Variants in ZNF687 observed in about 807,000 individuals in gnomAD.
The protein encoded by ZNF687 is zinc finger protein 687.
Under a neutral mutation model 71.8 loss-of-function variants are expected in ZNF687, and 13 were observed. The ratio of observed to expected loss-of-function variants is 0.18; its 90% CI spans 0.12 to 0.29. The LOEUF (loss-of-function observed/expected upper bound fraction) is 0.29. ZNF687 is among the 10% of genes least tolerant of loss of function. The pLI is 1.00. For missense variants in ZNF687, 1,412 were observed against 1,625.6 expected, an observed-to-expected ratio of 0.87 and a Z score of 2.26; for synonymous variants, 673 against 641.6, an observed-to-expected ratio of 1.05 and a Z score of -0.74.
Position 151,286,767 on chromosome 1 carries a change from C to T in ZNF687, c.476C>T (p.Pro159Leu), listed in dbSNP as rs903021748. The change falls in exon 2 of 9, where the codon CCC becomes CTC. Residue 159 changes from proline (P) to leucine (L), a missense_variant. This residue lies in a region of ZNF687 where 490 missense variants were observed against 489.9 expected (regional missense o/e 1.00). Coordinates refer to ENST00000336715, the MANE Select transcript of ZNF687 (RefSeq NM_020832.3). ...WKEKGMEGKT[P>L]LDLFAHFGPE... Reference sequence around the variant, plus strand: ...GAAAAAGGCATGGAAGGCAAAACTCCCTTGGACCTGTTTGCTCATTTTGGC... The same window carrying T: ...GAAAAAGGCATGGAAGGCAAAACTCTCTTGGACCTGTTTGCTCATTTTGGC... The T allele has an allele frequency of 6.2e-7, 1 of 1,614,096 alleles. No homozygotes were observed.
At position 151,287,146 on chromosome 1, in the gene ZNF687, G is replaced by GGAA. The variant is rs746809497; in HGVS notation, c.861_863dup (p.Glu287dup). On this transcript the variant is annotated inframe_insertion, in exon 2 of 9. Coordinates refer to ENST00000336715, the MANE Select transcript of ZNF687 (RefSeq NM_020832.3). The surrounding 1 kb of genome is among the most constrained non-coding windows in gnomAD (Gnocchi z 5.0). The stretch of plus-strand genomic sequence containing the variant: ...AAGTGCCCGTCTGTCAGCCCTTGAA[G>GGAA]GAAGAAGATGATGATGAGGGGCCAG... 1 of 1,614,182 alleles carries GGAA rather than the reference G, an allele frequency of 6.2e-7. No homozygotes were observed. The highest frequency in any genetic ancestry group is 1.3e-5 in the African/African-American group (1 of 75,056).
Position 151,288,671 on chromosome 1 carries a change from G to A in ZNF687, c.2259G>A (p.Glu753=), listed in dbSNP as rs1391793221. The change falls in exon 3 of 9, where the codon GAG becomes GAA. Residue 753 remains glutamate, a synonymous_variant. Coordinates refer to ENST00000336715, the MANE Select transcript of ZNF687 (RefSeq NM_020832.3). ...LQANFQTHLR[E]ACLHVSRRVG... is the part of the protein sequence containing the mutation. ...CCAATTTTCAGACCCATCTCCGGGA[G>A]GCCTGTCTGCACGTCTCTCGCCGTG... 1.2e-6 allele frequency: 2 copies of A among 1,614,000 alleles called. No homozygotes were observed. The highest frequency in any genetic ancestry group is 2.2e-5 in the South Asian group (2 of 91,046).
At chr1:151,283,031 T>G in intron 1 of ZNF687, 2 of 832,426 alleles carry the variant, frequency 2.4e-6, no homozygotes, top group Non-Finnish European at 2.9e-6. Context: ...TGTGTAGTCC[T>G]GGGTCCCCAG....
In ZNF687 at chr1:151,286,909, C is replaced by G; in HGVS notation, c.618C>G (p.Gly206=). Residue 206 remains glycine (G), a synonymous_variant, in exon 2 of 9, where the codon GGC becomes GGG. Coordinates refer to ENST00000336715, the MANE Select transcript of ZNF687 (RefSeq NM_020832.3). ...CCTTTGAGCTGGCCCAGGAGAATGGCCCAGGCATGCAGCCACCTGTTTCTT... is the reference window on the plus strand; with the variant it reads ...CCTTTGAGCTGGCCCAGGAGAATGGGCCAGGCATGCAGCCACCTGTTTCTT... ...PSSFELAQEN[G]PGMQPPVSSP... is the part of the protein sequence containing the mutation. 1 of 1,613,036 alleles carries G rather than the reference C, an allele frequency of 6.2e-7. No homozygotes were observed.
chr1:151,291,011 G>C lies in ZNF687; in HGVS notation c.3516G>C (p.Leu1172=). 6.2e-7 allele frequency: 1 copy of C among 1,613,950 alleles called. No individual in the cohort carries two copies. The highest frequency in any genetic ancestry group is 8.5e-7 in the Non-Finnish European group (1 of 1,180,014). The change falls in exon 9 of 9, where the codon CTG becomes CTC. Residue 1172 remains leucine, a synonymous_variant. Coordinates refer to ENST00000336715, the MANE Select transcript of ZNF687 (RefSeq NM_020832.3). The part of the protein sequence containing the change: ...RGVGKASALG[L]GDGEEEAPPS... ...TGGGTAAAGCCAGTGCCCTGGGGCT[G>C]GGGGATGGGGAGGAAGAGGCCCCTC... is the stretch of plus-strand genomic sequence containing the variant.
chr1:151,283,043 T>G, intron 1 of ZNF687: 1 of 918,312 alleles, frequency 1.1e-6, no homozygotes, highest in Non-Finnish European at 1.3e-6. Context: ...GGTCCCCAGG[T>G]GCTGCGCAGC....
chr1:151,286,450 C>T lies in ZNF687; in HGVS notation c.159C>T (p.Asp53=), dbSNP rs1487712778. The part of the protein sequence containing the change: ...PEPGVGSESE[D]TAAASAGDGP... ...CAGGTGTAGGAAGTGAATCTGAAGA[C>T]ACAGCAGCAGCCTCTGCTGGGGATG... The change falls in exon 2 of 9, where the codon GAC becomes GAT. Residue 53 remains aspartate, a synonymous_variant. Coordinates refer to ENST00000336715, the MANE Select transcript of ZNF687 (RefSeq NM_020832.3). 1.2e-6 allele frequency: 2 copies of T among 1,613,784 alleles called. No individual in the cohort carries two copies. Among genetic ancestry groups the T allele is most frequent in the African/African-American group, 1.3e-5 (1 of 75,054 alleles).
Position 151,290,487 on chromosome 1 carries a change from G to A in ZNF687, c.3133G>A (p.Val1045Ile). ...CAGCCGCCTGATCCTAGAGAAACAT[G>A]TCCAGGTCCGGCACGGCTTGCAGCT... is the stretch of plus-strand genomic sequence containing the variant. The part of the protein sequence containing the change: ...FSSRLILEKH[V>I]QVRHGLQLGA... The change falls in exon 8 of 9, where the codon GTC becomes ATC. Residue 1045 changes from valine to isoleucine, a missense_variant. Around this residue, in one of 8 missense-constraint regions of ZNF687, gnomAD observed 284 missense variants for 359.2 expected, o/e 0.79. Coordinates refer to ENST00000336715, the MANE Select transcript of ZNF687 (RefSeq NM_020832.3). The A allele has an allele frequency of 6.2e-7, 1 of 1,614,008 alleles. No homozygotes were observed.
chr1:151,284,051 CA>C (rs1693845623), intron 1 of ZNF687: 1 of 985,306 alleles, frequency 1.0e-6, no homozygotes, highest in African/African-American at 1.7e-5. Flanking sequence ...ATTAGTGCCA[CA>C]TAATTCTTGT....
In ZNF687 at chr1:151,287,799, A is replaced by T; in HGVS notation, c.1508A>T (p.Lys503Met). 2 of 1,614,058 alleles carry T rather than the reference A, an allele frequency of 1.2e-6. No homozygotes were observed. Among genetic ancestry groups the T allele is most frequent in the Non-Finnish European group, 1.7e-6 (2 of 1,180,002 alleles). Residue 503 changes from lysine to methionine, a missense_variant, in exon 2 of 9, where the codon AAG becomes ATG. Lys to Met is a moderately conservative substitution (Grantham distance 95). Transcript: ENST00000336715. The surrounding 1 kb of genome is among the most constrained non-coding windows in gnomAD (Gnocchi z 5.0). ...TQSSLVEAFN[K>M]ILNSKNLLPA... ...TCCAGCCTGGTGGAGGCCTTCAACA[A>T]GATCCTCAACAGCAAGAACCTGCTC...
chr1:151,290,853 A>G lies in ZNF687; in HGVS notation c.3358A>G (p.Thr1120Ala), dbSNP rs1279487485. 7.4e-6 allele frequency: 12 copies of G among 1,614,086 alleles called. No homozygotes were observed. Among genetic ancestry groups the G allele is most frequent in the Non-Finnish European group, 9.3e-6 (11 of 1,180,020 alleles). ...GPLRYRSSSS[T>A]EQSLMMGLRV... ...TCTGCGCTACCGGAGCAGCAGCTCC[A>G]CAGAACAGAGCCTCATGATGGGGTT... is the stretch of plus-strand genomic sequence containing the variant. The change falls in exon 9 of 9, where the codon ACA becomes GCA. Residue 1120 changes from threonine to alanine, a missense_variant. Around this residue, in one of 8 missense-constraint regions of ZNF687, gnomAD observed 284 missense variants for 359.2 expected, o/e 0.79. Transcript: ENST00000336715.
chr1:151,284,154 A>C (rs995752232), intron 1 of ZNF687: 2 of 985,284 alleles, frequency 2.0e-6, no homozygotes, highest in Non-Finnish European at 2.4e-6. Flanking sequence ...GGAAAGGGTG[A>C]GGAGTTAAAG....
At chr1:151,283,002 C>A (rs1202470555) in intron 1 of ZNF687, 1 of 552,470 alleles carries the variant, frequency 1.8e-6, no homozygotes, top group African/African-American at 2.0e-5. Context: ...TCCCCTCTTT[C>A]CAGCTCCCCA....
chr1:151,288,503 T>C, intron 2 of ZNF687, 25 bp from the exon 3 acceptor site: 1 of 1,584,988 alleles, frequency 6.3e-7, no homozygotes, highest in South Asian at 1.1e-5. Context: ...CCTCACCGAC[T>C]TTCCTTGTTT....
At chr1:151,283,645 C>T (rs1312444065) in intron 1 of ZNF687, among the ~76,000 whole-genome samples, 3 of 152,306 alleles carry the variant, frequency 2.0e-5, no homozygotes, top group South Asian at 4.1e-4. Flanking sequence ...GTCCACTTTT[C>T]TGAGTACCTG....
chr1:151,288,123 C>T lies in ZNF687; in HGVS notation c.1832C>T (p.Pro611Leu), dbSNP rs1454554328. Reference sequence around the variant, plus strand: ...GCCCTTGACCAGATGGTGGGGCAGCCGGACATCACACCGCTGCTGCCTGTA... The same window carrying T: ...GCCCTTGACCAGATGGTGGGGCAGCTGGACATCACACCGCTGCTGCCTGTA... Reference protein sequence around the residue: ...PVALDQMVGQPDITPLLPVAV... With the variant: ...PVALDQMVGQLDITPLLPVAV... The change falls in exon 2 of 9, where the codon CCG (proline) becomes CTG (leucine). Residue 611 changes from proline to leucine, a missense_variant. By Grantham distance (98) the Pro-to-Leu change is moderately conservative. Around this residue, in one of 8 missense-constraint regions of ZNF687, gnomAD observed 207 missense variants for 239.2 expected, o/e 0.87. Transcript: ENST00000336715. 9 of 1,613,744 alleles carry T rather than the reference C, an allele frequency of 5.6e-6. No individual in the cohort carries two copies. Among genetic ancestry groups the T allele is most frequent in the Admixed American group, 3.3e-5 (2 of 60,012 alleles).
In ZNF687 at chr1:151,288,347, G is replaced by A. The variant is rs587656551; in HGVS notation, c.2056G>A (p.Ala686Thr). 3 of 1,610,614 alleles carry A rather than the reference G, an allele frequency of 1.9e-6. No homozygotes were observed. The highest frequency in any genetic ancestry group is 2.5e-6 in the Non-Finnish European group (3 of 1,179,802). Reference protein sequence around the residue: ...LECKEQCRDKAGMAAHFQQLG... With the variant: ...LECKEQCRDKTGMAAHFQQLG... Reference sequence around the variant, plus strand: ...GTGCAAGGAACAGTGCCGGGACAAGGCTGGCATGGCAGCTCACTTCCAGCA... The same window carrying A: ...GTGCAAGGAACAGTGCCGGGACAAGACTGGCATGGCAGCTCACTTCCAGCA... The change falls in exon 2 of 9, where the codon GCT (alanine) becomes ACT (threonine). Residue 686 changes from alanine to threonine, a missense_variant. Around this residue, in one of 8 missense-constraint regions of ZNF687, gnomAD observed 207 missense variants for 239.2 expected, o/e 0.87. Transcript: ENST00000336715.
upstream of ZNF687, chr1:151,281,676 C>A: frequency 4.4e-6 from 2 of 453,078 alleles, no homozygotes; most frequent in South Asian, 3.1e-5. Context: ...GATTATATGG[C>A]GATTTAGACG....
Position 151,286,869 on chromosome 1 carries a change from C to T in ZNF687, c.578C>T (p.Pro193Leu), listed in dbSNP as rs1242895468. ...ACTCGGGAGGGGGCTCTGACCCCGC[C>T]TCCTTTCCCCTCTTCCTTTGAGCTG... Reference protein sequence around the residue: ...SPTREGALTPPPFPSSFELAQ... With the variant: ...SPTREGALTPLPFPSSFELAQ... Residue 193 changes from proline (P) to leucine (L), a missense_variant, in exon 2 of 9, where the codon CCT becomes CTT. Pro to Leu is a moderately conservative substitution (Grantham distance 98, BLOSUM62 -3). Transcript: ENST00000336715. The T allele has an allele frequency of 6.8e-6, 11 of 1,613,288 alleles. No homozygotes were observed. The highest frequency in any genetic ancestry group is 9.3e-6 in the Non-Finnish European group (11 of 1,179,456).
Sources: gnomAD v4.1 joint callset for allele counts (sites outside exome capture counted in the v4.1 genomes callset) on GRCh38, gnomAD v4.1.1 for gene constraint, gnomAD v4.1.1 regional missense constraint, Gnocchi (gnomAD v3.1) non-coding constraint, MANE v1.5 for transcripts, NCBI Gene and HGNC (gene_info 2026-07-23, HGNC 2026-07-21) for gene names.